Variants in DOP1B observed in about 807,000 individuals in gnomAD.
The protein encoded by DOP1B is protein DOP1B.
A neutral mutation model predicts 233.5 loss-of-function variants in DOP1B; 174 were observed. The observed-to-expected ratio is 0.75, with a 90% CI of 0.66 to 0.85. DOP1B has a LOEUF of 0.85. Ranked by LOEUF, DOP1B falls within the 40% of genes least tolerant of loss-of-function variation. The probability of loss-of-function intolerance (pLI) is 0.00; values close to 1 mark genes in which losing one functional copy is unlikely to be tolerated. For missense variants in DOP1B, 2,652 were observed against 2,846.6 expected (o/e 0.93, Z 1.56); for synonymous variants, 1,190 against 1,185.6 (o/e 1.00, Z -0.08).
At chr21:36,209,268 C>T (rs1340447381) in intron 5 of DOP1B, among the ~76,000 whole-genome samples, 1 of 152,146 alleles carries the variant, frequency 6.6e-6, no homozygotes, top group Non-Finnish European at 1.5e-5. Flanking sequence ...ATTACAGGCA[C>T]CCACCACCAT....
intron 2 of DOP1B, chr21:36,169,133 G>A (rs1238412121): frequency 7.8e-6 from 7 of 901,874 alleles, no homozygotes; most frequent in Admixed American, 1.7e-5. Context: ...CACCAGCAAA[G>A]ATGTGCAGAG....
chr21:36,210,689 A>G (rs1221534211), intron 5 of DOP1B, among the ~76,000 whole-genome samples: 1 of 151,926 alleles, frequency 6.6e-6, no homozygotes, highest in Non-Finnish European at 1.5e-5. Context: ...GCGGGCACCT[A>G]TAATCCCAGC....
chr21:36,230,639 A>T lies in DOP1B; in HGVS notation c.1855A>T (p.Lys619Ter). ...TCTGGAAAGGGACGACGTTTGGAAG[A>T]AGGGCGGGAGCATGCAGAGGACGTT... ...VSLERDDVWK[K>*]GGSMQRTFLC... Residue 619 changes from lysine to a stop codon, truncating the protein, a stop_gained, in exon 14 of 37, where the codon AAG becomes TAG. Coordinates refer to ENST00000691173, the MANE Select transcript of DOP1B (RefSeq NM_001320714.2). LOFTEE classifies it high-confidence loss of function. The T allele has an allele frequency of 6.2e-7, 1 of 1,614,172 alleles. No homozygotes were observed. The highest frequency in any genetic ancestry group is 8.5e-7 in the Non-Finnish European group (1 of 1,180,038).
At chr21:36,244,931 T>C (rs2066937127) in intron 18 of DOP1B, 117 bp from the exon 19 acceptor site, 1 of 1,067,158 alleles carries the variant, frequency 9.4e-7, no homozygotes. Flanking sequence ...GTGTTTCATG[T>C]GAGAATTTTA....
Position 36,184,782 on chromosome 21 carries a change from G to A in DOP1B, c.139-14288G>A, listed in dbSNP as rs539448221. Among the ~76,000 whole-genome samples the A allele has an allele frequency of 5.3e-5, 8 of 152,302 alleles. No individual in the cohort carries two copies. The South Asian group carries it at 8.3e-4, about 16-fold the overall frequency. Reference sequence around the variant, plus strand: ...AGGTGTGGGAGGCTCTGCGGGCTGCGGGGAACAGGATCGCTGTGGGAGGTT... The same window carrying A: ...AGGTGTGGGAGGCTCTGCGGGCTGCAGGGAACAGGATCGCTGTGGGAGGTT... On this transcript the variant is annotated intron_variant, in intron 2 of 36. Coordinates refer to ENST00000691173, the MANE Select transcript of DOP1B (RefSeq NM_001320714.2).
rs1253303847 is a variant in DOP1B, at chr21:36,293,407, C to G, written c.6733C>G (p.Pro2245Ala). The change falls in exon 37 of 37, where the codon CCA (proline) becomes GCA (alanine). Residue 2245 changes from proline (P) to alanine (A), a missense_variant. Transcript: ENST00000691173. ...TGTTTCCAGCATCAGGCAGTTGATG[C>G]CATTCTTCATGACTCTAAATGGTGC... is the stretch of plus-strand genomic sequence containing the variant. ...HSVSSIRQLM[P>A]FFMTLNGAFK... 6.2e-7 allele frequency: 1 copy of G among 1,614,120 alleles called. No individual in the cohort carries two copies. The highest frequency in any genetic ancestry group is 1.6e-4 in the Middle Eastern group (1 of 6,062).
In DOP1B at chr21:36,245,661, C is replaced by T. The variant is rs371562273; in HGVS notation, c.3681C>T (p.His1227=). The T allele has an allele frequency of 2.5e-6, 4 of 1,613,600 alleles. No homozygotes were observed. In the African/African-American group the frequency reaches 5.3e-5, roughly 22 times the overall value. The change falls in exon 19 of 37, where the codon CAC becomes CAT. Residue 1227 remains histidine, a synonymous_variant. Transcript: ENST00000691173. The surrounding 1 kb of genome is among the most constrained non-coding windows in gnomAD (Gnocchi z 5.5). ...AGGCCGTCGAGGCCTTGTTCAAGCA[C>T]ATCCTGCTCTACCTGCAGCCCTACG... ...RQEAVEALFK[H]ILLYLQPYDS... is the part of the protein sequence containing the mutation.
chr21:36,272,656 A>C (rs2067301892), intron 27 of DOP1B, among the ~76,000 whole-genome samples: 1 of 148,230 alleles, frequency 6.7e-6, no homozygotes, highest in African/African-American at 2.5e-5. Flanking sequence ...TCTCAAAAAA[A>C]AAAAAAAAAA....
intron 26 of DOP1B, among the ~76,000 whole-genome samples, chr21:36,269,568 T>C (rs779992322): frequency 2.6e-4 from 40 of 152,356 alleles, no homozygotes; most frequent in Middle Eastern, 6.8e-3. Context: ...TCATCCAGAC[T>C]GGAGTGCAGT....
At chr21:36,170,655 C>T (rs1231825504) in intron 2 of DOP1B, 4 of 150,954 alleles carry the variant, frequency 2.6e-5, no homozygotes, top group Non-Finnish European at 5.9e-5. Context: ...ATTATCCAGC[C>T]GTGGTAGTGC....
At chr21:36,189,902 T>C (rs1245933057) in intron 2 of DOP1B, among the ~76,000 whole-genome samples, 1 of 146,356 alleles carries the variant, frequency 6.8e-6, no homozygotes, top group Non-Finnish European at 1.5e-5. Context: ...CCCAGCTACC[T>C]GGGAGACTGA....
intron 21 of DOP1B, among the ~76,000 whole-genome samples, chr21:36,249,896 C>A (rs2067013484): frequency 6.6e-6 from 1 of 152,192 alleles, no homozygotes. Context: ...TTCTGTATTT[C>A]AAGCTCCTAT....
rs562748039 is a variant in DOP1B at position 36,227,721 on chromosome 21, T to C, written c.1509T>C (p.Pro503=). Residue 503 remains proline (P), a synonymous_variant, in exon 13 of 37, where the codon CCT becomes CCC. Transcript: ENST00000691173. ...CTGAGGTGCAAACCCAGTATCTCCC[T>C]CAGGTGCTCGGCTGCCTGGTGCAGC... ...LYSEVQTQYL[P]QVLGCLVQPL... The C allele has an allele frequency of 1.3e-6, 2 of 1,599,936 alleles. No homozygotes were observed. The highest frequency in any genetic ancestry group is 2.2e-5 in the South Asian group (2 of 89,978).
intron 2 of DOP1B, among the ~76,000 whole-genome samples, chr21:36,198,294 T>G (rs1384175135): frequency 6.6e-6 from 1 of 151,882 alleles, no homozygotes; most frequent in Non-Finnish European, 1.5e-5. Flanking sequence ...TCAGGCATGG[T>G]GGCGGGCACC....
chr21:36,195,041 A>G (rs1285688406), intron 2 of DOP1B, among the ~76,000 whole-genome samples: 1 of 151,576 alleles, frequency 6.6e-6, no homozygotes, highest in Non-Finnish European at 1.5e-5. Context: ...TCCCATCTCT[A>G]CGAAAAAATA....
intron 2 of DOP1B, among the ~76,000 whole-genome samples, chr21:36,189,453 G>C (rs1425160867): frequency 3.3e-5 from 5 of 152,206 alleles, no homozygotes; most frequent in Non-Finnish European, 7.3e-5. Flanking sequence ...TGATTTTGAA[G>C]GCTGGGTGCA....
At chr21:36,277,764 C>T (rs1038994364) in intron 28 of DOP1B, among the ~76,000 whole-genome samples, 1 of 151,052 alleles carries the variant, frequency 6.6e-6, no homozygotes, top group African/African-American at 2.4e-5. Flanking sequence ...AAGCAGTTCT[C>T]CTGCCTCAGC....
In DOP1B at chr21:36,184,498, T is replaced by C. The variant is rs193137828; in HGVS notation, c.139-14572T>C. 1.1e-4 allele frequency among the ~76,000 whole-genome samples: 17 copies of C among 152,320 alleles called. No homozygotes were observed. The East Asian group carries it at 3.3e-3, about 29-fold the overall frequency. Reference sequence around the variant, plus strand: ...CGTGCCCAGCCCCTGTATACACTGTTGCGGCCCCTTCCCACCCAGCTGCCG... The same window carrying C: ...CGTGCCCAGCCCCTGTATACACTGTCGCGGCCCCTTCCCACCCAGCTGCCG... On this transcript the variant is annotated intron_variant, in intron 2 of 36. Coordinates refer to ENST00000691173, the MANE Select transcript of DOP1B (RefSeq NM_001320714.2).
At chr21:36,258,428 T>TTTC (rs35108787) in intron 23 of DOP1B, among the ~76,000 whole-genome samples, 4 of 152,040 alleles carry the variant, frequency 2.6e-5, no homozygotes, top group African/African-American at 9.7e-5. Context: ...TTTTTTTTTT[T>TTTC]CACATCAGAC....
Sources: allele counts gnomAD v4.1 joint callset (sites outside exome capture counted in the v4.1 genomes callset), GRCh38; gene constraint gnomAD v4.1.1; non-coding constraint Gnocchi (gnomAD v3.1); transcripts MANE v1.5; gene names NCBI Gene and HGNC (gene_info 2026-07-23, HGNC 2026-07-21).